ZNF536: variants seen among roughly 807,000 people sequenced by gnomAD.
The protein encoded by ZNF536 is zinc finger protein 536.
ZNF536 carries 13 observed loss-of-function variants against 84.5 expected under a neutral mutation model. The ratio of observed to expected loss-of-function variants is 0.15; its 90% CI spans 0.10 to 0.24. The LOEUF (loss-of-function observed/expected upper bound fraction) is 0.24. Among genes scored for constraint, ZNF536 ranks in the 10% least tolerant of loss-of-function variants. The pLI is 1.00. For synonymous variants in ZNF536, 811 were observed against 742.5 expected (o/e 1.09, Z -1.50); for missense variants, 1,536 against 1,747.5 (o/e 0.88, Z 2.16).
chr19:30,239,486 C>T (rs531077400), intron 1 of ZNF536, among the ~76,000 whole-genome samples: 15 of 152,266 alleles, frequency 9.9e-5, no homozygotes, highest in Admixed American at 5.2e-4. Flanking sequence ...TCTCTGCAAA[C>T]GGGGTTTCCT....
intron 2 of ZNF536, among the ~76,000 whole-genome samples, chr19:30,512,134 C>T (rs1000410865): frequency 1.3e-5 from 2 of 152,136 alleles, no homozygotes; most frequent in African/African-American, 4.8e-5. Flanking sequence ...TTACTGGTGA[C>T]TGGAGAAATT....
intron 1 of ZNF536, among the ~76,000 whole-genome samples, chr19:30,235,278 G>A (rs1352604427): frequency 6.6e-6 from 1 of 152,214 alleles, no homozygotes. Flanking sequence ...GGCATTGGAA[G>A]CCAGCTGCAT....
chr19:30,340,737 G>A (rs554312299), intron 2 of ZNF536, among the ~76,000 whole-genome samples: 12 of 152,246 alleles, frequency 7.9e-5, no homozygotes, highest in African/African-American at 2.4e-4. Flanking sequence ...TGTACACAGA[G>A]GGCCAAAAAG....
At chr19:30,235,269 G>A (rs2023403789) in intron 1 of ZNF536, among the ~76,000 whole-genome samples, 6 of 152,232 alleles carry the variant, frequency 3.9e-5, no homozygotes, top group Admixed American at 3.3e-4. Flanking sequence ...GGCCGAGCGG[G>A]CATTGGAAGC....
intron 1 of ZNF536, among the ~76,000 whole-genome samples, chr19:30,384,974 CA>C (rs2049277640): frequency 6.6e-6 from 1 of 152,040 alleles, no homozygotes; most frequent in African/African-American, 2.4e-5. Flanking sequence ...GCAGTTTGAT[CA>C]CGTCACTGCC....
intron 2 of ZNF536, among the ~76,000 whole-genome samples, chr19:30,333,482 G>A (rs568656218): frequency 1.3e-5 from 2 of 152,332 alleles, no homozygotes; most frequent in South Asian, 2.1e-4. Context: ...CCATGAGGCC[G>A]CTGGTCAAGA....
Position 30,443,543 on chromosome 19 carries a change from C to T in ZNF536, c.-2-18C>T, listed in dbSNP as rs1023784403. ...CAGCCGCACCTGGCACGGATCTGAA[C>T]TCTGCCTCTCTTTTCAGGGATGGAA... On this transcript the variant is annotated intron_variant, in intron 1 of 4. Transcript: ENST00000355537. 1 of 1,523,410 alleles carries T rather than the reference C, an allele frequency of 6.6e-7. No homozygotes were observed. Among genetic ancestry groups the T allele is most frequent in the African/African-American group, 1.4e-5 (1 of 71,858 alleles). The allele number at this position is 1,523,410 out of a possible 1,614,324, so 94.4% of individuals were successfully genotyped here.
At chr19:30,583,845 C>T (rs553471393) in intron 1 of ZNF536, among the ~76,000 whole-genome samples, 1 of 152,260 alleles carries the variant, frequency 6.6e-6, no homozygotes, top group East Asian at 1.9e-4. Flanking sequence ...TCAAGCTTGA[C>T]GAGCTCGGCT....
chr19:30,300,624 A>T (rs2046148540), intron 2 of ZNF536: 1 of 152,182 alleles, frequency 6.6e-6, no homozygotes, highest in South Asian at 2.1e-4. Context: ...GCCACTATAA[A>T]CTGCACATTG....
At chr19:30,388,353 C>T (rs918175505) in intron 1 of ZNF536, among the ~76,000 whole-genome samples, 1 of 152,150 alleles carries the variant, frequency 6.6e-6, no homozygotes, top group Non-Finnish European at 1.5e-5. Context: ...TATGGATACT[C>T]GGTGGGGTTA....
intron 2 of ZNF536, among the ~76,000 whole-genome samples, chr19:30,311,316 T>C (rs898101239): frequency 6.6e-6 from 1 of 152,218 alleles, no homozygotes; most frequent in Admixed American, 6.5e-5. Context: ...GGTGCCCTTT[T>C]GCCACCCCTG....
rs201478978 is a variant in ZNF536, at chr19:30,552,764, G to T, written c.3895+3250G>T. ...AGGAGAGCCACCGAGGGGAGAAGCCGACCCAGCCAGTTGGGTGGGGAGACG... is the reference window on the plus strand; with the variant it reads ...AGGAGAGCCACCGAGGGGAGAAGCCTACCCAGCCAGTTGGGTGGGGAGACG... On this transcript the variant is annotated intron_variant, in intron 4 of 4. Coordinates refer to ENST00000355537, the MANE Select transcript of ZNF536 (RefSeq NM_014717.3). Among the ~76,000 whole-genome samples, 14 of 152,300 alleles carry T rather than the reference G, an allele frequency of 9.2e-5. No individual in the cohort carries two copies. The East Asian group carries it at 2.7e-3, about 29-fold the overall frequency.
chr19:30,594,177 T>G (rs1257674678), intron 1 of ZNF536, among the ~76,000 whole-genome samples: 1 of 152,242 alleles, frequency 6.6e-6, no homozygotes, highest in Non-Finnish European at 1.5e-5. Flanking sequence ...GCAGAGTCAC[T>G]TGCCCTGGAC....
intron 1 of ZNF536, among the ~76,000 whole-genome samples, chr19:30,669,852 C>T (rs954090731): frequency 2.0e-5 from 3 of 152,178 alleles, no homozygotes; most frequent in Non-Finnish European, 4.4e-5. Flanking sequence ...TTCATTGTGG[C>T]AATGTGCACG....
chr19:30,541,396 T>C (rs1293422903), intron 3 of ZNF536, among the ~76,000 whole-genome samples: 2 of 138,906 alleles, frequency 1.4e-5, no homozygotes, highest in Non-Finnish European at 3.2e-5. Context: ...TGAGTAATGA[T>C]GAAAAAAAAA....
intron 1 of ZNF536, among the ~76,000 whole-genome samples, chr19:30,236,871 A>T (rs905330343): frequency 2.0e-4 from 30 of 152,288 alleles, no homozygotes; most frequent in African/African-American, 7.2e-4. Flanking sequence ...TTCTTTGGCG[A>T]TGGCTGTCTG....
intron 1 of ZNF536, among the ~76,000 whole-genome samples, chr19:30,686,096 C>G (rs1292922158): frequency 6.6e-6 from 1 of 152,214 alleles, no homozygotes; most frequent in Non-Finnish European, 1.5e-5. Flanking sequence ...CCCCTTCCCT[C>G]TCTCACGTTC....
At chr19:30,503,702 T>C (rs1263418551) in intron 2 of ZNF536, among the ~76,000 whole-genome samples, 1 of 152,208 alleles carries the variant, frequency 6.6e-6, no homozygotes, top group Non-Finnish European at 1.5e-5. Flanking sequence ...GGTCAAGCCC[T>C]CGTGGGAGTC....
At chr19:30,430,595 T>C (rs371360080) in intron 1 of ZNF536, among the ~76,000 whole-genome samples, 5 of 152,180 alleles carry the variant, frequency 3.3e-5, no homozygotes, top group Non-Finnish European at 7.3e-5. Flanking sequence ...CCAAGATTAC[T>C]AGGCACAGGG....
Sources: allele counts gnomAD v4.1 joint callset (sites outside exome capture counted in the v4.1 genomes callset), GRCh38; gene constraint gnomAD v4.1.1; transcripts MANE v1.5; gene names NCBI Gene and HGNC (gene_info 2026-07-23, HGNC 2026-07-21).